Variants in CAST observed in about 807,000 individuals in gnomAD.
The protein encoded by CAST is calpastatin.
In CAST, 76 loss-of-function variants were observed where a neutral mutation model predicts 119.6. The observed-to-expected ratio is 0.64, with a 90% CI of 0.53 to 0.77. CAST has a LOEUF of 0.77. CAST is among the 30% of genes least tolerant of loss of function. The pLI is 0.00. For synonymous variants in CAST, 319 were observed against 331.6 expected, an observed-to-expected ratio of 0.96 and a Z score of 0.41; for missense variants, 953 against 946.5, an observed-to-expected ratio of 1.01 and a Z score of -0.09.
the CAST span, among the ~76,000 whole-genome samples, chr5:96,361,508 G>A: frequency 6.6e-6 from 1 of 152,190 alleles, no homozygotes; most frequent in Non-Finnish European, 1.5e-5. Context: ...GAAGTCCGTG[G>A]GAAAAGCATA....
the CAST span, among the ~76,000 whole-genome samples, chr5:95,988,520 C>G: frequency 6.6e-6 from 1 of 152,084 alleles, no homozygotes; most frequent in Admixed American, 6.6e-5. Flanking sequence ...ATTTTATTAT[C>G]TGTAATATTT....
chr5:96,535,350 CTT>C (rs1460384913), intron 1 of CAST, among the ~76,000 whole-genome samples: 1 of 151,488 alleles, frequency 6.6e-6, no homozygotes, highest in Non-Finnish European at 1.5e-5. Flanking sequence ...AGGGAGCTAA[CTT>C]TTCATTTATC....
chr5:95,966,093 G>C, the CAST span, among the ~76,000 whole-genome samples: 32 of 152,120 alleles, frequency 2.1e-4, no homozygotes, highest in Non-Finnish European at 4.1e-4. Context: ...AGGCTCAAGA[G>C]TTTCTTTTTA....
At chr5:96,338,941 G>C in the CAST span, among the ~76,000 whole-genome samples, 2 of 152,106 alleles carry the variant, frequency 1.3e-5, no homozygotes, top group Admixed American at 1.3e-4. Context: ...AGGCTGCTTG[G>C]AGTGCACTGC....
chr5:96,451,141 C>T, the CAST span, among the ~76,000 whole-genome samples: 3 of 152,084 alleles, frequency 2.0e-5, no homozygotes, highest in Non-Finnish European at 4.4e-5. Context: ...ATTGCTTATA[C>T]GAATTCTACG....
the CAST span, among the ~76,000 whole-genome samples, chr5:96,129,398 G>A: frequency 2.0e-5 from 3 of 152,104 alleles, no homozygotes; most frequent in African/African-American, 7.2e-5. Context: ...AGAGAGGCAA[G>A]CTTCAACAAG....
chr5:96,351,502 G>A, the CAST span, among the ~76,000 whole-genome samples: 1 of 152,172 alleles, frequency 6.6e-6, no homozygotes. Context: ...ACTGGCACAT[G>A]AGGGAAATGT....
the CAST span, among the ~76,000 whole-genome samples, chr5:96,424,208 A>T: frequency 5.3e-5 from 8 of 152,300 alleles, no homozygotes; most frequent in Admixed American, 2.6e-4. Flanking sequence ...ATAAATAACC[A>T]CAATCAAAAG....
the CAST span, among the ~76,000 whole-genome samples, chr5:96,167,459 A>G: frequency 6.6e-6 from 1 of 152,196 alleles, no homozygotes; most frequent in Admixed American, 6.5e-5. Flanking sequence ...TCCATGCAGG[A>G]GCTCAAATGG....
chr5:96,722,724 T>C, intron 4 of CAST, 26 bp downstream of exon 4: 2 of 1,544,902 alleles, frequency 1.3e-6, no homozygotes, highest in Non-Finnish European at 1.8e-6. Context: ...ATTGAGTGAG[T>C]GCTAATTTAA....
the CAST span, among the ~76,000 whole-genome samples, chr5:96,243,019 A>T: frequency 6.6e-6 from 1 of 152,202 alleles, no homozygotes; most frequent in Non-Finnish European, 1.5e-5. Context: ...CTCTATAAAT[A>T]CGTTCAAAAT....
the CAST span, among the ~76,000 whole-genome samples, chr5:96,517,404 A>T: frequency 6.6e-6 from 1 of 152,208 alleles, no homozygotes; most frequent in African/African-American, 2.4e-5. Flanking sequence ...GACGTTTCAA[A>T]TAAACAAAAT....
At chr5:96,378,734 C>T in the CAST span, among the ~76,000 whole-genome samples, 3 of 152,002 alleles carry the variant, frequency 2.0e-5, no homozygotes, top group Non-Finnish European at 4.4e-5. Context: ...AGAATACCAA[C>T]TTATACTCTT....
At chr5:96,727,043 T>C (rs1472219451) in intron 5 of CAST, among the ~76,000 whole-genome samples, 184 bp downstream of exon 5, 2 of 152,244 alleles carry the variant, frequency 1.3e-5, no homozygotes, top group Non-Finnish European at 2.9e-5. Flanking sequence ...CTGCTTTCTG[T>C]GCCCTCAATT....
At chr5:96,372,765 T>C in the CAST span, among the ~76,000 whole-genome samples, 1 of 152,202 alleles carries the variant, frequency 6.6e-6, no homozygotes, top group Non-Finnish European at 1.5e-5. Flanking sequence ...TCTTATTTCC[T>C]TCATCTTCTG....
At chr5:96,587,100 T>G (rs921787787) in intron 1 of CAST, among the ~76,000 whole-genome samples, 9 of 152,242 alleles carry the variant, frequency 5.9e-5, no homozygotes, top group African/African-American at 1.7e-4. Flanking sequence ...CTTTCTATAA[T>G]AGCTCTGATT....
chr5:96,682,203 A>G (rs1045044524), intron 2 of CAST, among the ~76,000 whole-genome samples: 1 of 152,232 alleles, frequency 6.6e-6, no homozygotes, highest in African/African-American at 2.4e-5. Context: ...GACTACTGTA[A>G]TTCTGACATT....
At chr5:96,068,328 C>G in the CAST span, among the ~76,000 whole-genome samples, 1 of 152,058 alleles carries the variant, frequency 6.6e-6, no homozygotes, top group African/African-American at 2.4e-5. Context: ...TGTCTTGGGT[C>G]TTGTCTAGGA....
At chr5:96,482,322 G>T in the CAST span, among the ~76,000 whole-genome samples, 1 of 151,536 alleles carries the variant, frequency 6.6e-6, no homozygotes, top group Non-Finnish European at 1.5e-5. Flanking sequence ...GAAGTCAGAA[G>T]GCTGCCTATA....
Sources: gnomAD v4.1 joint callset for allele counts (sites outside exome capture counted in the v4.1 genomes callset) on GRCh38, gnomAD v4.1.1 for gene constraint, MANE v1.5 for transcripts, NCBI Gene and HGNC (gene_info 2026-07-23, HGNC 2026-07-21) for gene names.